The following CDC42BPB variants were observed in gnomAD, a reference collection of about 807,000 sequenced individuals.
CDC42BPB encodes serine/threonine-protein kinase MRCK beta.
Under a neutral mutation model 214.9 loss-of-function variants are expected in CDC42BPB, and 37 were observed. The observed-to-expected ratio is 0.17, with a 90% CI of 0.13 to 0.23. The LOEUF (loss-of-function observed/expected upper bound fraction) is 0.23, where lower values mean the gene tolerates loss of function less well. CDC42BPB is among the 10% of genes least tolerant of loss of function. The pLI is 1.00. For missense variants in CDC42BPB, 1,694 were observed against 2,227.0 expected, an observed-to-expected ratio of 0.76 and a Z score of 4.82; for synonymous variants, 931 against 884.0, an observed-to-expected ratio of 1.05 and a Z score of -0.94.
In CDC42BPB at chr14:102,949,911, A is replaced by G. The variant is rs1229341952; in HGVS notation, c.3310-7T>C. ...CCCCCGTGGGCTTTGGGACCTATGA[A>G]TAAAAACAAACAGTGGCCACGTTCC... On this transcript the variant is annotated splice_polypyrimidine_tract_variant and splice_region_variant and intron_variant, in intron 25 of 36. Transcript: ENST00000361246. 1.9e-6 allele frequency: 3 copies of G among 1,612,902 alleles called. No homozygotes were observed. Among genetic ancestry groups the G allele is most frequent in the South Asian group, 2.2e-5 (2 of 91,070 alleles).
intron 5 of CDC42BPB, 67 bp downstream of exon 5, chr14:102,999,498 G>A (rs1894884323): frequency 6.5e-7 from 1 of 1,539,162 alleles, no homozygotes; most frequent in Admixed American, 1.7e-5. Context: ...CCTGGACTTG[G>A]GAGCTCTGAA....
intron 2 of CDC42BPB, among the ~76,000 whole-genome samples, chr14:103,011,025 A>G (rs980114105): frequency 1.3e-5 from 2 of 152,184 alleles, no homozygotes; most frequent in Non-Finnish European, 2.9e-5. Flanking sequence ...GCGAGACTCC[A>G]TCTCAAAAAA....
At position 102,933,746 on chromosome 14, in the gene CDC42BPB, AG is replaced by A; in HGVS notation, c.5101del (p.Leu1701SerfsTer60). The part of the protein sequence containing the change: ...PNSPHRSQLP[L>X]EGLEQPACDT ...ACAGGCCGGCTGCTCCAGGCCTTCGAGGGGGAGCTGGCTCCTGTGGGGGGAG... is the reference window on the plus strand; with the variant it reads ...ACAGGCCGGCTGCTCCAGGCCTTCGAGGGGAGCTGGCTCCTGTGGGGGGAG... On this transcript the variant is annotated frameshift_variant, in exon 37 of 37. Transcript: ENST00000361246. LOFTEE classifies it high-confidence loss of function. The A allele has an allele frequency of 6.7e-7, 1 of 1,488,812 alleles. No homozygotes were observed. The highest frequency in any genetic ancestry group is 1.5e-5 in the African/African-American group (1 of 66,260). 92.2% of individuals were successfully genotyped at this position (1,488,812 alleles called of 1,614,324 possible).
At chr14:102,981,043 C>T in intron 7 of CDC42BPB, 22 bp from the exon 8 acceptor site, 1 of 1,613,722 alleles carries the variant, frequency 6.2e-7, no homozygotes, top group Non-Finnish European at 8.5e-7. Context: ...GGCAAAAACA[C>T]CGGTGGACAG....
chr14:102,971,368 T>A (rs995552012), intron 13 of CDC42BPB, among the ~76,000 whole-genome samples: 1 of 152,256 alleles, frequency 6.6e-6, no homozygotes, highest in Non-Finnish European at 1.5e-5. Context: ...TTGAGAGCTG[T>A]AGCCTACATA....
rs753949050 is a variant in CDC42BPB at position 102,952,517 on chromosome 14, C to A, written c.3153G>T (p.Arg1051=). ...ACTCACCCTCGCAGGCGTAGCCCTGCCGGATCAGCCCAACCATCAGGGAGG... is the reference window on the plus strand; with the variant it reads ...ACTCACCCTCGCAGGCGTAGCCCTGACGGATCAGCCCAACCATCAGGGAGG... ...HCTSLMVGLI[R]QGYACEVCSF... is the part of the protein sequence containing the mutation. Residue 1051 remains arginine, a synonymous_variant, in exon 24 of 37, where the codon CGG becomes CGT. Transcript: ENST00000361246. 2 of 1,612,062 alleles carry A rather than the reference C, an allele frequency of 1.2e-6. No individual in the cohort carries two copies. Among genetic ancestry groups the A allele is most frequent in the Non-Finnish European group, 1.7e-6 (2 of 1,178,528 alleles).
chr14:103,021,110 A>C (rs983726503), intron 1 of CDC42BPB, among the ~76,000 whole-genome samples: 2 of 152,184 alleles, frequency 1.3e-5, no homozygotes, highest in Non-Finnish European at 2.9e-5. Context: ...ACAACCATTA[A>C]ATTTTAACTT....
intron 1 of CDC42BPB, among the ~76,000 whole-genome samples, chr14:103,025,127 C>A (rs186529274): frequency 2.0e-5 from 3 of 152,282 alleles, no homozygotes; most frequent in Non-Finnish European, 1.5e-5. Context: ...GTACCATCTT[C>A]TGAAGAATTG....
In CDC42BPB at chr14:102,967,024, G is replaced by A. The variant is rs371171213; in HGVS notation, c.2471+22C>T. On this transcript the variant is annotated intron_variant, in intron 17 of 36. Transcript: ENST00000361246. ...CTGAGCAGGGAGCGGATTCACGGCCGCTAATGGGGCCGCGCACGTACCACT... is the reference window on the plus strand; with the variant it reads ...CTGAGCAGGGAGCGGATTCACGGCCACTAATGGGGCCGCGCACGTACCACT... The A allele has an allele frequency of 1.1e-4, 171 of 1,609,546 alleles. No individual in the cohort carries two copies. The South Asian group carries it at 1.2e-3, about 12-fold the overall frequency.
At position 102,933,521 on chromosome 14, in the gene CDC42BPB, G is replaced by A. The variant is rs541659344; in HGVS notation, c.*191C>T. 12 of 489,750 alleles carry A rather than the reference G, an allele frequency of 2.5e-5. No individual in the cohort carries two copies. In the East Asian group the frequency reaches 3.2e-4, roughly 13 times the overall value. The allele number at this position is 489,750 out of a possible 1,614,324, so 30.3% of individuals were successfully genotyped here. On this transcript the variant is annotated 3_prime_UTR_variant, in exon 37 of 37. Transcript: ENST00000361246. Reference sequence around the variant, plus strand: ...CGCCTCACAGCTGTGCAGACGAACAGATGTGGTCTACTGCCACGAACAATG... The same window carrying A: ...CGCCTCACAGCTGTGCAGACGAACAAATGTGGTCTACTGCCACGAACAATG...
chr14:103,032,117 A>G (rs994639399), intron 1 of CDC42BPB, among the ~76,000 whole-genome samples: 2 of 152,028 alleles, frequency 1.3e-5, no homozygotes, highest in Non-Finnish European at 2.9e-5. Context: ...TGTTTCTGAT[A>G]TGAAGGCCTG....
intron 1 of CDC42BPB, chr14:103,041,389 G>T: frequency 1.8e-6 from 1 of 555,204 alleles, no homozygotes; most frequent in South Asian, 2.5e-5. Flanking sequence ...ACTGCCAATG[G>T]ATTGTTAGAT....
chr14:102,954,516 T>A (rs527275290), intron 22 of CDC42BPB, 86 bp downstream of exon 22: 1 of 1,423,700 alleles, frequency 7.0e-7, no homozygotes, highest in African/African-American at 1.4e-5. Context: ...CAAACTGTTA[T>A]GCAGGGGCCA....
At chr14:102,936,957 G>A (rs958542930) in intron 36 of CDC42BPB, 2 of 152,258 alleles carry the variant, frequency 1.3e-5, no homozygotes, top group Non-Finnish European at 2.9e-5. Context: ...AGGACAGCTT[G>A]AGCCCAGGAG....
intron 1 of CDC42BPB, among the ~76,000 whole-genome samples, chr14:103,035,563 A>G (rs1026141231): frequency 6.6e-6 from 1 of 151,044 alleles, no homozygotes; most frequent in East Asian, 2.0e-4. Flanking sequence ...CCAGGCAGCC[A>G]GGTGCGGTGG....
chr14:102,965,017 T>G (rs935868530), intron 18 of CDC42BPB, among the ~76,000 whole-genome samples: 5 of 152,064 alleles, frequency 3.3e-5, no homozygotes, highest in Non-Finnish European at 7.4e-5. Flanking sequence ...CCTCCGCCTC[T>G]TGGGTTCAAG....
At chr14:102,970,547 C>T (rs1405597220) in intron 13 of CDC42BPB, 3 of 196,950 alleles carry the variant, frequency 1.5e-5, no homozygotes, top group East Asian at 3.7e-4. Flanking sequence ...TCGTGAAAAC[C>T]AGTACTTTTG....
chr14:103,003,523 C>T (rs901390023), intron 4 of CDC42BPB, among the ~76,000 whole-genome samples: 1 of 152,224 alleles, frequency 6.6e-6, no homozygotes, highest in Non-Finnish European at 1.5e-5. Flanking sequence ...CGCGGGAAGA[C>T]AGGAGGACTG....
At chr14:103,029,908 T>C (rs1361542093) in intron 1 of CDC42BPB, among the ~76,000 whole-genome samples, 1 of 145,338 alleles carries the variant, frequency 6.9e-6, no homozygotes, top group African/African-American at 2.5e-5. Context: ...GAGCCCTCAG[T>C]GGCCAGACAC....
Sources: gnomAD v4.1 joint callset for allele counts (sites outside exome capture counted in the v4.1 genomes callset) on GRCh38, gnomAD v4.1.1 for gene constraint, MANE v1.5 for transcripts, NCBI Gene and HGNC (gene_info 2026-07-23, HGNC 2026-07-21) for gene names.